The following PARD3 variants were observed in gnomAD, a reference collection of about 807,000 sequenced individuals.
PARD3 encodes the protein partitioning defective 3 homolog.
PARD3 carries 75 observed loss-of-function variants against 155.4 expected under a neutral mutation model. That is an observed-to-expected ratio of 0.48 (90% CI 0.40 to 0.58). The LOEUF (loss-of-function observed/expected upper bound fraction) is 0.58. Ranked by LOEUF, PARD3 falls within the 20% of genes least tolerant of loss-of-function variation. PARD3 has a pLI of 0.00. For missense variants in PARD3, 1,642 were observed against 1,721.7 expected, an observed-to-expected ratio of 0.95 and a Z score of 0.82; for synonymous variants, 576 against 610.5, an observed-to-expected ratio of 0.94 and a Z score of 0.83.
Position 34,815,126 on chromosome 10 carries a change from A to T in PARD3, c.-131T>A. 5 of 291,138 alleles carry T rather than the reference A, an allele frequency of 1.7e-5. No individual in the cohort carries two copies. The highest frequency in any genetic ancestry group is 2.6e-5 in the Non-Finnish European group (5 of 195,652). The allele number at this position is 291,138 out of a possible 1,614,324, so 18.0% of individuals were successfully genotyped here. ...CGCGCGGGCGGCTAGGGGCGCGGGC[A>T]GGCGGCGGCGACGCCGGGGGGCCGC... is the stretch of plus-strand genomic sequence containing the variant. On this transcript the variant is annotated 5_prime_UTR_variant, in exon 1 of 25. Coordinates refer to ENST00000374788, the MANE Select transcript of PARD3 (RefSeq NM_001184785.2).
chr10:34,394,936 A>G (rs999803633), intron 7 of PARD3, among the ~76,000 whole-genome samples: 3 of 146,308 alleles, frequency 2.1e-5, no homozygotes, highest in Admixed American at 6.9e-5. Flanking sequence ...ATTAAAAAAG[A>G]AAAAAAAAAA....
intron 5 of PARD3, among the ~76,000 whole-genome samples, chr10:34,429,822 T>C (rs1438193677): frequency 6.6e-6 from 1 of 152,152 alleles, no homozygotes; most frequent in Non-Finnish European, 1.5e-5. Context: ...CCTGACCTTG[T>C]GATCCGCCCG....
chr10:34,249,498 A>G (rs1371297051), intron 22 of PARD3, among the ~76,000 whole-genome samples: 1 of 152,208 alleles, frequency 6.6e-6, no homozygotes, highest in Non-Finnish European at 1.5e-5. Flanking sequence ...ACCTATTTAC[A>G]CATTTATCTA....
chr10:34,280,511 G>A (rs970630087), intron 21 of PARD3, among the ~76,000 whole-genome samples: 6 of 152,164 alleles, frequency 3.9e-5, no homozygotes, highest in Non-Finnish European at 7.3e-5. Context: ...AGTGAGAAAG[G>A]TGGGAAAGAG....
At chr10:34,312,626 T>G (rs544505160) in intron 20 of PARD3, among the ~76,000 whole-genome samples, 1 of 152,168 alleles carries the variant, frequency 6.6e-6, no homozygotes, top group South Asian at 2.1e-4. Flanking sequence ...TCTTCAAAAC[T>G]GAATAAAACA....
chr10:34,766,567 C>T (rs947006265), intron 1 of PARD3, among the ~76,000 whole-genome samples: 1 of 140,234 alleles, frequency 7.1e-6, no homozygotes. Context: ...TGAGACTAGA[C>T]ATCAGCCAAG....
At chr10:34,279,961 C>A (rs992989196) in intron 21 of PARD3, among the ~76,000 whole-genome samples, 1 of 152,126 alleles carries the variant, frequency 6.6e-6, no homozygotes, top group Non-Finnish European at 1.5e-5. Flanking sequence ...TTCAGTATCC[C>A]TGGAAATGTT....
intron 5 of PARD3, among the ~76,000 whole-genome samples, chr10:34,449,734 G>C (rs970095853): frequency 6.6e-6 from 1 of 152,178 alleles, no homozygotes; most frequent in Non-Finnish European, 1.5e-5. Context: ...TTATTTCTGA[G>C]TGGTAAACAA....
At chr10:34,507,554 A>AAAAAAACAAAC (rs2081158246) in intron 3 of PARD3, among the ~76,000 whole-genome samples, 1 of 151,708 alleles carries the variant, frequency 6.6e-6, no homozygotes, top group East Asian at 1.9e-4. Context: ...AAAACAAAAA[A>AAAAAAACAAAC]AAAAAAACAA....
At chr10:34,261,847 C>CTAACAA (rs1955042841) in intron 22 of PARD3, among the ~76,000 whole-genome samples, 1 of 131,220 alleles carries the variant, frequency 7.6e-6, no homozygotes, top group Non-Finnish European at 1.6e-5. Context: ...CAAACAAACA[C>CTAACAA]ACACACACTG....
intron 20 of PARD3, among the ~76,000 whole-genome samples, chr10:34,287,122 G>A (rs1468278110): frequency 6.6e-6 from 1 of 152,132 alleles, no homozygotes; most frequent in Admixed American, 6.5e-5. Context: ...ATTAATCTGA[G>A]TGTCAGCAGA....
intron 3 of PARD3, among the ~76,000 whole-genome samples, chr10:34,478,387 G>A (rs1449476642): frequency 1.9e-4 from 29 of 152,048 alleles, no homozygotes; most frequent in Non-Finnish European, 3.8e-4. Flanking sequence ...AAAATAAAAC[G>A]TATCAAAAGT....
chr10:34,154,309 A>C (rs867279834), intron 22 of PARD3, among the ~76,000 whole-genome samples: 1 of 152,210 alleles, frequency 6.6e-6, no homozygotes, highest in African/African-American at 2.4e-5. Flanking sequence ...AATACTACTA[A>C]TAATACGTGT....
intron 2 of PARD3, among the ~76,000 whole-genome samples, chr10:34,547,154 G>A (rs1161624487): frequency 3.3e-5 from 5 of 152,298 alleles, no homozygotes; most frequent in African/African-American, 1.2e-4. Context: ...AAGCTAGAGG[G>A]ATACTCCCTT....
intron 3 of PARD3, among the ~76,000 whole-genome samples, chr10:34,474,325 G>A (rs1444269620): frequency 6.6e-6 from 1 of 152,142 alleles, no homozygotes; most frequent in East Asian, 1.9e-4. Context: ...CCCCGGGGCA[G>A]GTATAGGTTC....
At chr10:34,687,332 C>G (rs764167514) in intron 2 of PARD3, among the ~76,000 whole-genome samples, 2 of 152,094 alleles carry the variant, frequency 1.3e-5, no homozygotes. Flanking sequence ...TTCCTCAGCA[C>G]GTGGAGTTGT....
chr10:34,633,548 A>G (rs998078918), intron 2 of PARD3, among the ~76,000 whole-genome samples: 2 of 152,232 alleles, frequency 1.3e-5, no homozygotes, highest in Non-Finnish European at 2.9e-5. Context: ...ACTGACTAGT[A>G]CTGCACTGTG....
intron 22 of PARD3, among the ~76,000 whole-genome samples, chr10:34,236,804 A>C (rs1953262337): frequency 6.6e-6 from 1 of 152,202 alleles, no homozygotes; most frequent in African/African-American, 2.4e-5. Flanking sequence ...TCTATTCTCC[A>C]ATAAGTCTGG....
At chr10:34,623,432 G>A (rs960085277) in intron 2 of PARD3, among the ~76,000 whole-genome samples, 10 of 151,956 alleles carry the variant, frequency 6.6e-5, no homozygotes, top group African/African-American at 1.5e-4. Flanking sequence ...CAATAATTAC[G>A]TTCAGTTTTA....
Sources: allele counts gnomAD v4.1 joint callset (sites outside exome capture counted in the v4.1 genomes callset), GRCh38; gene constraint gnomAD v4.1.1; transcripts MANE v1.5; gene names NCBI Gene and HGNC (gene_info 2026-07-23, HGNC 2026-07-21).